SLC43A2: variants seen among roughly 807,000 people sequenced by gnomAD.
SLC43A2 encodes solute carrier family 43 member 2.
Under a neutral mutation model 63.2 loss-of-function variants are expected in SLC43A2, and 38 were observed. That is an observed-to-expected ratio of 0.60 (90% CI 0.46 to 0.79). SLC43A2 has a LOEUF of 0.79. Among genes scored for constraint, SLC43A2 ranks in the 30% least tolerant of loss-of-function variants. SLC43A2 has a pLI of 0.00. For missense variants in SLC43A2, 644 were observed against 756.2 expected (o/e 0.85, Z 1.74); for synonymous variants, 322 against 331.0 (o/e 0.97, Z 0.30).
At position 1,587,048 on chromosome 17, in the gene SLC43A2, C is replaced by T; in HGVS notation, c.1079-997G>A. On this transcript the variant is annotated intron_variant, in intron 9 of 13. Coordinates refer to ENST00000301335, the MANE Select transcript of SLC43A2 (RefSeq NM_152346.3). ...TGCTACAGAGAGATGGGAGAGGAGG[C>T]AGGCTCACTCCATGCCCAGCACGCA... The T allele has an allele frequency of 4.4e-6, 6 of 1,356,746 alleles. No homozygotes were observed. In the South Asian group the frequency reaches 5.2e-5, roughly 12 times the overall value. 84.0% of individuals were successfully genotyped at this position (1,356,746 alleles called of 1,614,324 possible). A position where few individuals can be genotyped will look rare whatever the true frequency, so the allele number is the denominator to read the frequency against.
Position 1,627,862 on chromosome 17 carries a change from G to T in SLC43A2, c.13C>A (p.Leu5Met). 6.4e-7 allele frequency: 1 copy of T among 1,573,430 alleles called. No homozygotes were observed. Among genetic ancestry groups the T allele is most frequent in the Non-Finnish European group, 8.6e-7 (1 of 1,160,078 alleles). Residue 5 changes from leucine to methionine, a missense_variant, in exon 2 of 14, where the codon CTG becomes ATG. Leu to Met is a conservative substitution (Grantham distance 15). Around this residue, in one of 3 missense-constraint regions of SLC43A2, gnomAD observed 528 missense variants for 623.6 expected, o/e 0.85. Transcript: ENST00000301335. ...CAGCGGCGCCGATGGGCAGTGGCCAGGGTGGGCGCCATGGTGCGGCGCGGC... is the reference window on the plus strand; with the variant it reads ...CAGCGGCGCCGATGGGCAGTGGCCATGGTGGGCGCCATGGTGCGGCGCGGC... MAPT[L>M]ATAHRRRWWM... is the part of the protein sequence containing the mutation.
In SLC43A2 at chr17:1,609,287, T is replaced by C. The variant is rs544797613; in HGVS notation, c.501+3908A>G. Among the ~76,000 whole-genome samples the C allele has an allele frequency of 4.6e-3, 693 of 152,144 alleles. 5 individuals are homozygous for C. The highest frequency in any genetic ancestry group is 0.016 in the African/African-American group (660 of 41,510). The stretch of plus-strand genomic sequence containing the variant: ...CGCAATCTCGACTCGCTGCAACCTC[T>C]GCCTCCCGGGTTCAAGCGATTCTCC... On this transcript the variant is annotated intron_variant, in intron 5 of 13. Transcript: ENST00000301335.
intron 5 of SLC43A2, among the ~76,000 whole-genome samples, chr17:1,602,005 C>G (rs923894890): frequency 4.0e-5 from 6 of 151,412 alleles, no homozygotes; most frequent in African/African-American, 1.5e-4. Flanking sequence ...GAGACTACCC[C>G]AGACGTGTAC....
chr17:1,618,975 AC>A (rs1907919348), intron 2 of SLC43A2, among the ~76,000 whole-genome samples: 1 of 145,126 alleles, frequency 6.9e-6, no homozygotes, highest in Admixed American at 6.8e-5. Flanking sequence ...AAATAGTTAG[AC>A]TCTGTCTCAA....
At chr17:1,615,096 T>G in intron 3 of SLC43A2, 62 bp from the exon 4 acceptor site, 2 of 1,591,352 alleles carry the variant, frequency 1.3e-6, no homozygotes, top group Non-Finnish European at 1.7e-6. Flanking sequence ...GTTATTGTTT[T>G]GTTTTTGTTT....
intron 9 of SLC43A2, among the ~76,000 whole-genome samples, chr17:1,587,264 G>A (rs1015670275): frequency 9.2e-5 from 14 of 152,232 alleles, no homozygotes; most frequent in African/African-American, 2.2e-4. Flanking sequence ...GGCCTGTGAC[G>A]TTGGCGGGTA....
chr17:1,602,754 T>C (rs1024516974), intron 5 of SLC43A2, among the ~76,000 whole-genome samples: 10 of 151,460 alleles, frequency 6.6e-5, no homozygotes, highest in African/African-American at 2.4e-4. Context: ...GTTTTGTTTT[T>C]TCAGTTTTTT....
chr17:1,608,527 G>A (rs1443757296), intron 5 of SLC43A2, among the ~76,000 whole-genome samples: 1 of 152,062 alleles, frequency 6.6e-6, no homozygotes, highest in Non-Finnish European at 1.5e-5. Context: ...CCGAGTAGCT[G>A]GAATTACAGG....
At chr17:1,613,043 TG>T in intron 5 of SLC43A2, 151 bp downstream of exon 5, 1 of 668,620 alleles carries the variant, frequency 1.5e-6, no homozygotes, top group Non-Finnish European at 2.6e-6. Flanking sequence ...GAGGAGGCCC[TG>T]CCAGGCCACC....
intron 9 of SLC43A2, 126 bp from the exon 10 acceptor site, chr17:1,586,177 A>T (rs1204088291): frequency 1.2e-5 from 17 of 1,399,020 alleles, no homozygotes; most frequent in Non-Finnish European, 1.6e-5. Context: ...ACCCCCTGTC[A>T]CTATGGGTCT....
At position 1,570,255 on chromosome 17, in the gene SLC43A2, C is replaced by T. The variant is rs2075826902; in HGVS notation, c.*5349G>A. On this transcript the variant is annotated 3_prime_UTR_variant, in exon 14 of 14. Coordinates refer to ENST00000301335, the MANE Select transcript of SLC43A2 (RefSeq NM_152346.3). Reference sequence around the variant, plus strand: ...ATGTTGGTCAGGCTGGTCTCAAACCCCTGACCTCAAGTGATCCACCCCGCC... The same window carrying T: ...ATGTTGGTCAGGCTGGTCTCAAACCTCTGACCTCAAGTGATCCACCCCGCC... The T allele has an allele frequency of 6.6e-6, 1 of 151,960 alleles. No homozygotes were observed. Among genetic ancestry groups the T allele is most frequent in the Non-Finnish European group, 1.5e-5 (1 of 68,068 alleles). The allele number at this position is 151,960 out of a possible 1,614,324, so 9.4% of individuals were successfully genotyped here. A position where few individuals can be genotyped will look rare whatever the true frequency, so the allele number is the denominator to read the frequency against.
At position 1,575,811 on chromosome 17, in the gene SLC43A2, C is replaced by T. The variant is rs371628185; in HGVS notation, c.1549-46G>A. The T allele has an allele frequency of 1.1e-3, 1,731 of 1,553,378 alleles. 1 individual carries two copies. The highest frequency in any genetic ancestry group is 1.4e-3 in the Non-Finnish European group (1,591 of 1,149,000). On this transcript the variant is annotated intron_variant, in intron 13 of 13. Transcript: ENST00000301335. The stretch of plus-strand genomic sequence containing the variant: ...CGCATCACAGGGCGTGGTGGTGCGC[C>T]GAGGCTGCAGACCCGCCCTCCACTC...
chr17:1,591,735 G>GGGGGGGA (rs1555538858), intron 6 of SLC43A2, 36 bp from the exon 7 acceptor site: 17 of 655,848 alleles, frequency 2.6e-5, no homozygotes, highest in Admixed American at 5.0e-5. Context: ...GGGGGGGGGA[G>GGGGGGGA]GGGGCAGAGT....
chr17:1,621,850 T>G (rs572351039), intron 2 of SLC43A2, among the ~76,000 whole-genome samples: 3 of 152,328 alleles, frequency 2.0e-5, no homozygotes, highest in East Asian at 3.9e-4. Flanking sequence ...CTGGCCTACC[T>G]GGGCTAGAGG....
chr17:1,582,740 A>T (rs1168047104), intron 11 of SLC43A2, among the ~76,000 whole-genome samples: 1 of 152,128 alleles, frequency 6.6e-6, no homozygotes. Context: ...CTCCGCAAAT[A>T]ACAAAGGGCT....
At chr17:1,585,252 T>G (rs2076083774) in intron 10 of SLC43A2, 1 of 995,180 alleles carries the variant, frequency 1.0e-6, no homozygotes, top group South Asian at 4.3e-5. Context: ...TTTATTGTTT[T>G]TTCTTTTTGA....
At chr17:1,585,739 G>A (rs1445160723) in intron 10 of SLC43A2, 174 bp downstream of exon 10, 1 of 1,566,190 alleles carries the variant, frequency 6.4e-7, no homozygotes, top group Non-Finnish European at 8.6e-7. Context: ...AAAGAGGGGA[G>A]CAGTTGAAAC....
intron 2 of SLC43A2, among the ~76,000 whole-genome samples, chr17:1,626,158 T>C (rs1230902282): frequency 2.1e-5 from 3 of 145,850 alleles, no homozygotes; most frequent in Non-Finnish European, 4.5e-5. Context: ...CTGGGGACGA[T>C]GACTTTTTTT....
chr17:1,605,190 C>T lies in SLC43A2; in HGVS notation c.501+8005G>A. ...GTCCTGCCAGCCCGGGCTGTTCACT[C>T]ACTGCCTCCACGCAGCCTCAGTCAC... is the stretch of plus-strand genomic sequence containing the variant. On this transcript the variant is annotated intron_variant, in intron 5 of 13. Transcript: ENST00000301335. The surrounding 1 kb of genome is among the most constrained non-coding windows in gnomAD (Gnocchi z 4.9). The T allele has an allele frequency of 8.7e-7, 1 of 1,153,510 alleles. No individual in the cohort carries two copies. The highest frequency in any genetic ancestry group is 1.1e-6 in the Non-Finnish European group (1 of 929,846). The allele number at this position is 1,153,510 out of a possible 1,614,324, so 71.5% of individuals were successfully genotyped here.
Sources: gnomAD v4.1 joint callset for allele counts (sites outside exome capture counted in the v4.1 genomes callset) on GRCh38, gnomAD v4.1.1 for gene constraint, gnomAD v4.1.1 regional missense constraint, Gnocchi (gnomAD v3.1) non-coding constraint, MANE v1.5 for transcripts, NCBI Gene and HGNC (gene_info 2026-07-23, HGNC 2026-07-21) for gene names.